ADAMTS8: variants seen among roughly 807,000 people sequenced by gnomAD.
ADAMTS8 encodes A disintegrin and metalloproteinase with thrombospondin motifs 8.
A neutral mutation model predicts 64.4 loss-of-function variants in ADAMTS8; 50 were observed. The ratio of observed to expected loss-of-function variants is 0.78; its 90% confidence interval spans 0.62 to 0.98. The LOEUF (loss-of-function observed/expected upper bound fraction) is 0.98. ADAMTS8 is among the 50% of genes least tolerant of loss of function. The probability of loss-of-function intolerance (pLI) is 0.00; values close to 1 mark genes in which losing one functional copy is unlikely to be tolerated. For synonymous variants in ADAMTS8, 556 were observed against 533.6 expected (o/e 1.04, Z -0.58); for missense variants, 1,192 against 1,208.2 (o/e 0.99, Z 0.20).
rs770176841 is a variant in ADAMTS8, at chr11:130,416,172, C to G, written c.1255G>C (p.Gly419Arg). 5.7e-6 allele frequency: 9 copies of G among 1,581,998 alleles called. No homozygotes were observed. The South Asian group carries it at 5.7e-5, about 10-fold the overall frequency. Residue 419 changes from glycine (G) to arginine (R), a missense_variant, in exon 4 of 9, where the codon GGC becomes CGC. This residue lies in a region of ADAMTS8 where 741 missense variants were observed against 710.6 expected (regional missense o/e 1.04). Coordinates refer to ENST00000257359, the MANE Select transcript of ADAMTS8 (RefSeq NM_007037.6). This position sits in a 1 kb window ranked among gnomAD's most constrained non-coding sequence, Gnocchi z 4.8. The part of the protein sequence containing the change: ...SAMYLTELLD[G>R]GHGDCLLDAP... ...GGCCGCCGGTGCCTACCGTGCCCGC[C>G]GTCCAGAAGCTCTGTGAGATACATG...
chr11:130,413,560 G>A (rs142174189), intron 5 of ADAMTS8, among the ~76,000 whole-genome samples: 2 of 152,324 alleles, frequency 1.3e-5, no homozygotes, highest in South Asian at 2.1e-4. Flanking sequence ...AGAGAAATGC[G>A]ATCAGCCTCA....
chr11:130,422,752 C>T (rs73569470), intron 1 of ADAMTS8, among the ~76,000 whole-genome samples: 3,875 of 152,342 alleles, frequency 0.025, 189 homozygotes, highest in African/African-American at 0.088. Flanking sequence ...GCCTTCACCA[C>T]TGAGCATGGG....
In ADAMTS8 at chr11:130,414,512, C is replaced by T. The variant is rs998631711; in HGVS notation, c.1566+19G>A. 7 of 1,573,440 alleles carry T rather than the reference C, an allele frequency of 4.4e-6. No homozygotes were observed. In the African/African-American group the frequency reaches 6.8e-5, roughly 15 times the overall value. On this transcript the variant is annotated intron_variant, in intron 5 of 8. Transcript: ENST00000257359. ...TTTCTCCTTTCCCCTCCCCGCTATC[C>T]TCAGGGGCTGTCCCTCACCTTGGGC...
chr11:130,417,301 G>A (rs1026512931), intron 2 of ADAMTS8, among the ~76,000 whole-genome samples: 1 of 152,054 alleles, frequency 6.6e-6, no homozygotes, highest in Non-Finnish European at 1.5e-5. Flanking sequence ...CTGTCATCCA[G>A]GCTGGAGTGC....
In ADAMTS8 at chr11:130,405,833, G is replaced by T. The variant is rs763492768; in HGVS notation, c.2395C>A (p.Pro799Thr). Residue 799 changes from proline to threonine, a missense_variant, in exon 9 of 9, where the codon CCC becomes ACC. Physicochemically the swap from Pro to Thr is conservative, Grantham distance 38. Transcript: ENST00000257359. ...QLLTVPGEVFPPKVKYTFFVP... is the reference protein window; with the variant it reads ...QLLTVPGEVFTPKVKYTFFVP... The stretch of plus-strand genomic sequence containing the variant: ...AAGAAGGTGTATTTGACTTTTGGGG[G>T]GAAGACCTCGCCAGGGACTGTCAGG... 1.9e-6 allele frequency: 3 copies of T among 1,613,948 alleles called. No homozygotes were observed. Among genetic ancestry groups the T allele is most frequent in the East Asian group, 2.2e-5 (1 of 44,882 alleles).
At chr11:130,408,233 T>C (rs545269798) in intron 8 of ADAMTS8, among the ~76,000 whole-genome samples, 1 of 152,272 alleles carries the variant, frequency 6.6e-6, no homozygotes, top group Admixed American at 6.5e-5. Context: ...ATCTTTTCTA[T>C]GAGCTCGACA....
intron 1 of ADAMTS8, among the ~76,000 whole-genome samples, chr11:130,422,610 G>A (rs1049914563): frequency 6.6e-6 from 1 of 152,220 alleles, no homozygotes; most frequent in African/African-American, 2.4e-5. Flanking sequence ...AGATGGAGAA[G>A]CAAAGCGAGA....
At position 130,408,400 on chromosome 11, in the gene ADAMTS8, G is replaced by T. The variant is rs1021402182; in HGVS notation, c.2099+64C>A. On this transcript the variant is annotated intron_variant, in intron 8 of 8. Transcript: ENST00000257359. The stretch of plus-strand genomic sequence containing the variant: ...GCAGCCACAGTTCAATTTGGGCCTA[G>T]CAGAGTGCAAAGCCCATTATGCTCT... The T allele has an allele frequency of 6.3e-6, 10 of 1,580,726 alleles. No individual in the cohort carries two copies. The African/African-American group carries it at 1.2e-4, about 19-fold the overall frequency.
Position 130,408,950 on chromosome 11 carries a change from G to A in ADAMTS8, c.1751-10C>T, listed in dbSNP as rs1176588198. The A allele has an allele frequency of 6.6e-7, 1 of 1,523,462 alleles. No individual in the cohort carries two copies. Among genetic ancestry groups the A allele is most frequent in the Non-Finnish European group, 8.8e-7 (1 of 1,135,010 alleles). 94.4% of individuals were successfully genotyped at this position (1,523,462 alleles called of 1,614,324 possible). Reference sequence around the variant, plus strand: ...TCCCTGAAGCTTTTCCCTAGAAAGAGGAAGAAACGGCATGGAGGTGACACC... The same window carrying A: ...TCCCTGAAGCTTTTCCCTAGAAAGAAGAAGAAACGGCATGGAGGTGACACC... On this transcript the variant is annotated splice_polypyrimidine_tract_variant and intron_variant, in intron 6 of 8. Coordinates refer to ENST00000257359, the MANE Select transcript of ADAMTS8 (RefSeq NM_007037.6).
chr11:130,427,474 TCTCA>T, intron 1 of ADAMTS8, 89 bp downstream of exon 1: 6 of 811,462 alleles, frequency 7.4e-6, no homozygotes, highest in Admixed American at 4.6e-5. Context: ...TTTTTTTTTT[TCTCA>T]GAGGGATTGG....
intron 6 of ADAMTS8, among the ~76,000 whole-genome samples, chr11:130,409,785 A>T (rs1327237395): frequency 6.6e-6 from 1 of 152,122 alleles, no homozygotes; most frequent in Non-Finnish European, 1.5e-5. Context: ...CCCAAATCCT[A>T]AAATTAAAGC....
chr11:130,405,635 G>T lies in ADAMTS8; in HGVS notation c.2593C>A (p.Gln865Lys). 1 of 1,614,008 alleles carries T rather than the reference G, an allele frequency of 6.2e-7. No homozygotes were observed. Among genetic ancestry groups the T allele is most frequent in the Non-Finnish European group, 8.5e-7 (1 of 1,179,966 alleles). Residue 865 changes from glutamine to lysine, a missense_variant, in exon 9 of 9, where the codon CAG (glutamine) becomes AAG (lysine). Physicochemically the swap from Gln to Lys is moderately conservative, Grantham distance 53. Transcript: ENST00000257359. ...GCCTTGTTGCAGGTGGCAGAGGCCT[G>T]GCCGGAGGGGTCCCTGCACTCTACA... ...RTVECRDPSG[Q>K]ASATCNKALK...
chr11:130,408,529 T>C lies in ADAMTS8; in HGVS notation c.2034A>G (p.Lys678=), dbSNP rs1861912344. The change falls in exon 8 of 9, where the codon AAA becomes AAG. Residue 678 remains lysine, a synonymous_variant. Transcript: ENST00000257359. ...TGCCTTTGCCCCCACACACCCCGCA[T>C]TTGTCCAGCTTCCGAGGCGAGTCCA... ...HVVDSPRKLD[K]CGVCGGKGNS... is the part of the protein sequence containing the mutation. 1 of 1,614,150 alleles carries C rather than the reference T, an allele frequency of 6.2e-7. No homozygotes were observed. Among genetic ancestry groups the C allele is most frequent in the Non-Finnish European group, 8.5e-7 (1 of 1,180,028 alleles).
In ADAMTS8 at chr11:130,428,369, G is replaced by T. The variant is rs1347253403; in HGVS notation, c.-83C>A. The T allele has an allele frequency of 1.5e-5, 18 of 1,218,066 alleles. No individual in the cohort carries two copies. Among genetic ancestry groups the T allele is most frequent in the Non-Finnish European group, 1.9e-5 (18 of 968,148 alleles). The allele number at this position is 1,218,066 out of a possible 1,614,324, so 75.5% of individuals were successfully genotyped here. ...GGTGCTGGCGGCCCGAGCGCGGCCC[G>T]GCCGCTCTCTCCAGGAAAAGCGGAA... On this transcript the variant is annotated 5_prime_UTR_variant, in exon 1 of 9. Transcript: ENST00000257359.
chr11:130,405,601 G>T lies in ADAMTS8; in HGVS notation c.2627C>A (p.Pro876His). 1 of 1,611,216 alleles carries T rather than the reference G, an allele frequency of 6.2e-7. No homozygotes were observed. Among genetic ancestry groups the T allele is most frequent in the East Asian group, 2.2e-5 (1 of 44,770 alleles). The stretch of plus-strand genomic sequence containing the variant: ...GCTTTCGCAGGGCTTGGCATCCTCG[G>T]GTTTCAGAGCCTTGTTGCAGGTGGC... ...ASATCNKALK[P>H]EDAKPCESQL... Residue 876 changes from proline to histidine, a missense_variant, in exon 9 of 9, where the codon CCC becomes CAC. Pro to His is a moderately conservative substitution (Grantham distance 77, BLOSUM62 -2). Around this residue, in one of 5 missense-constraint regions of ADAMTS8, gnomAD observed 147 missense variants for 154.1 expected, o/e 0.95. Transcript: ENST00000257359.
chr11:130,407,673 C>T (rs184090367), intron 8 of ADAMTS8, among the ~76,000 whole-genome samples: 33 of 152,250 alleles, frequency 2.2e-4, no homozygotes, highest in Admixed American at 1.6e-3. Flanking sequence ...CCATATAAAA[C>T]ACCCGAACTT....
rs138102714 is a variant in ADAMTS8 at position 130,409,372 on chromosome 11, T to G, written c.1751-432A>C. ...AGACTCCTAAATCTACATGTCTAGC[T>G]CTGATCTTGCCCCTACACCCACATT... On this transcript the variant is annotated intron_variant, in intron 6 of 8. Transcript: ENST00000257359. Among the ~76,000 whole-genome samples the G allele has an allele frequency of 8.9e-4, 136 of 152,268 alleles. 1 individual carries two copies. The highest frequency in any genetic ancestry group is 3.4e-3 in the Middle Eastern group (1 of 294).
chr11:130,408,511 G>T lies in ADAMTS8; in HGVS notation c.2052C>A (p.Gly684=). Reference sequence around the variant, plus strand: ...AGACCTTCCTGCAGGAGTTGCCTTTGCCCCCACACACCCCGCATTTGTCCA... The same window carrying T: ...AGACCTTCCTGCAGGAGTTGCCTTTTCCCCCACACACCCCGCATTTGTCCA... ...RKLDKCGVCG[G]KGNSCRKVSG... Residue 684 remains glycine (G), a synonymous_variant, in exon 8 of 9, where the codon GGC becomes GGA. Transcript: ENST00000257359. The T allele has an allele frequency of 6.2e-7, 1 of 1,613,974 alleles. No homozygotes were observed. Among genetic ancestry groups the T allele is most frequent in the Non-Finnish European group, 8.5e-7 (1 of 1,179,994 alleles).
chr11:130,412,459 C>T (rs1187773434), intron 5 of ADAMTS8, among the ~76,000 whole-genome samples: 1 of 152,040 alleles, frequency 6.6e-6, no homozygotes, highest in East Asian at 1.9e-4. Flanking sequence ...AGTGATCAAC[C>T]TGCCTCGGCC....
Sources: allele counts gnomAD v4.1 joint callset (sites outside exome capture counted in the v4.1 genomes callset), GRCh38; gene constraint gnomAD v4.1.1; regional missense constraint gnomAD v4.1.1; non-coding constraint Gnocchi (gnomAD v3.1); transcripts MANE v1.5; gene names NCBI Gene and HGNC (gene_info 2026-07-23, HGNC 2026-07-21).